The following SLC2A12 variants were observed in gnomAD, a reference collection of about 807,000 sequenced individuals.
The protein encoded by SLC2A12 is solute carrier family 2 member 12.
SLC2A12 carries 23 observed loss-of-function variants against 41.8 expected under a neutral mutation model. The ratio of observed to expected loss-of-function variants is 0.55; its 90% CI spans 0.40 to 0.78. SLC2A12 has a LOEUF of 0.78. Among genes scored for constraint, SLC2A12 ranks in the 30% least tolerant of loss-of-function variants. The pLI is 0.00. For synonymous variants in SLC2A12, 295 were observed against 285.9 expected (o/e 1.03, Z -0.32); for missense variants, 654 against 745.6 (o/e 0.88, Z 1.43).
At chr6:134,042,000 G>A (rs1777388527) in intron 1 of SLC2A12, among the ~76,000 whole-genome samples, 1 of 152,118 alleles carries the variant, frequency 6.6e-6, no homozygotes, top group Non-Finnish European at 1.5e-5. Context: ...ATTATTTAAT[G>A]TTGAAAAAAT....
In SLC2A12 at chr6:134,006,181, AAAAAAAAAAAAC is replaced by A. The variant is rs1280770388; in HGVS notation, c.1567+619_1567+630del. The stretch of plus-strand genomic sequence containing the variant: ...GCAACAGAGAGAGACTATCGGAAAA[AAAAAAAAAAAAC>A]AAAAAAAAAAACAGAGAAACAGAGA... On this transcript the variant is annotated intron_variant, in intron 3 of 4. Transcript: ENST00000275230. 5.3e-4 allele frequency among the ~76,000 whole-genome samples: 75 copies of A among 142,844 alleles called. 1 individual carries two copies. The highest frequency in any genetic ancestry group is 1.6e-3 in the African/African-American group (64 of 39,150). The allele number at this position is 142,844 out of a possible 152,430, so 93.7% of individuals were successfully genotyped here.
At chr6:134,034,656 G>A (rs2114490645) in intron 1 of SLC2A12, among the ~76,000 whole-genome samples, 1 of 152,352 alleles carries the variant, frequency 6.6e-6, no homozygotes, top group South Asian at 2.1e-4. Context: ...TGAACAGGAA[G>A]CAAGAGATCA....
Position 134,015,478 on chromosome 6 carries a change from AT to A in SLC2A12, c.1445-8545del, listed in dbSNP as rs1194683651. 3.3e-5 allele frequency among the ~76,000 whole-genome samples: 5 copies of A among 152,340 alleles called. No individual in the cohort carries two copies. The East Asian group carries it at 7.7e-4, about 23-fold the overall frequency. The stretch of plus-strand genomic sequence containing the variant: ...GTACCCCTGAACTTAAAAGTTGGAA[AT>A]AAATATATATTTAAAAAATAAATAA... On this transcript the variant is annotated intron_variant, in intron 2 of 4. Coordinates refer to ENST00000275230, the MANE Select transcript of SLC2A12 (RefSeq NM_145176.3).
At chr6:134,048,718 A>G (rs1773625704) in intron 1 of SLC2A12, among the ~76,000 whole-genome samples, 1 of 152,076 alleles carries the variant, frequency 6.6e-6, no homozygotes, top group Admixed American at 6.5e-5. Context: ...TTGATGCTTA[A>G]TTGTTTTTAA....
intron 2 of SLC2A12, among the ~76,000 whole-genome samples, chr6:134,023,290 G>A (rs1269987755): frequency 6.6e-6 from 1 of 152,170 alleles, no homozygotes; most frequent in Admixed American, 6.5e-5. Context: ...AGGTAGCATA[G>A]GATGGCAGAT....
At chr6:133,991,419 A>C in intron 4 of SLC2A12, 111 bp from the exon 5 acceptor site, 1 of 1,163,380 alleles carries the variant, frequency 8.6e-7, no homozygotes, top group Non-Finnish European at 1.2e-6. Flanking sequence ...TAGCTATGCA[A>C]AAATAAATAC....
chr6:134,045,189 T>C (rs1195114455), intron 1 of SLC2A12, among the ~76,000 whole-genome samples: 1 of 152,162 alleles, frequency 6.6e-6, no homozygotes, highest in Non-Finnish European at 1.5e-5. Context: ...TATAATCTTA[T>C]AGAAAAATAC....
chr6:134,031,029 T>G (rs1241346749), intron 1 of SLC2A12, among the ~76,000 whole-genome samples: 1 of 152,160 alleles, frequency 6.6e-6, no homozygotes, highest in Non-Finnish European at 1.5e-5. Context: ...TAGCTTAGAC[T>G]TGGGTGTTAA....
chr6:134,043,997 G>C (rs938613575), intron 1 of SLC2A12, among the ~76,000 whole-genome samples: 2 of 151,878 alleles, frequency 1.3e-5, no homozygotes, highest in African/African-American at 4.8e-5. Context: ...CCAGAATTCC[G>C]AAGTATTGGA....
At chr6:134,001,567 C>G (rs530148621) in intron 4 of SLC2A12, among the ~76,000 whole-genome samples, 26 of 152,124 alleles carry the variant, frequency 1.7e-4, no homozygotes, top group African/African-American at 6.3e-4. Flanking sequence ...AAGGAAAAAA[C>G]TTGTAACCTT....
intron 4 of SLC2A12, among the ~76,000 whole-genome samples, chr6:133,997,017 A>G (rs769326847): frequency 1.1e-4 from 16 of 148,884 alleles, no homozygotes; most frequent in East Asian, 4.0e-4. Flanking sequence ...AAAGGCGGGC[A>G]GATCACGAGG....
Position 134,028,928 on chromosome 6 carries a change from G to A in SLC2A12, c.897C>T (p.Phe299=). 6.2e-7 allele frequency: 1 copy of A among 1,614,218 alleles called. No individual in the cohort carries two copies. Among genetic ancestry groups the A allele is most frequent in the Non-Finnish European group, 8.5e-7 (1 of 1,180,044 alleles). ...VQITGQPNIL[F]YASTVLKSVG... ...CTGACTTCAAAACAGTTGATGCATAGAACAATATGTTTGGTTGGCCAGTGA... is the reference window on the plus strand; with the variant it reads ...CTGACTTCAAAACAGTTGATGCATAAAACAATATGTTTGGTTGGCCAGTGA... Residue 299 remains phenylalanine, a synonymous_variant, in exon 2 of 5, where the codon TTC becomes TTT. Transcript: ENST00000275230.
At chr6:134,018,577 A>G (rs2114455424) in intron 2 of SLC2A12, among the ~76,000 whole-genome samples, 1 of 152,234 alleles carries the variant, frequency 6.6e-6, no homozygotes, top group South Asian at 2.1e-4. Context: ...CCTTCTTCAT[A>G]CAAACGTTGG....
chr6:134,040,058 GTTT>G (rs11371413), intron 1 of SLC2A12, among the ~76,000 whole-genome samples: 1 of 139,332 alleles, frequency 7.2e-6, no homozygotes, highest in Non-Finnish European at 1.5e-5. Flanking sequence ...GTTGTTTTTT[GTTT>G]TTTTTTTTTT....
At chr6:134,018,355 A>T (rs1776993865) in intron 2 of SLC2A12, among the ~76,000 whole-genome samples, 1 of 152,188 alleles carries the variant, frequency 6.6e-6, no homozygotes. Context: ...TTCTAGATAA[A>T]ACTGAAAGCT....
Position 134,029,263 on chromosome 6 carries a change from C to A in SLC2A12, c.562G>T (p.Ala188Ser). The A allele has an allele frequency of 1.2e-6, 2 of 1,614,136 alleles. No individual in the cohort carries two copies. The highest frequency in any genetic ancestry group is 2.2e-5 in the East Asian group (1 of 44,884). ...GILSAYISNYAFANVFHGWKY... is the reference protein window; with the variant it reads ...GILSAYISNYSFANVFHGWKY... ...CAGCCATGGAAAACATTGGCAAATG[C>A]GTAATTTGAAATATAGGCAGAAAGA... Residue 188 changes from alanine to serine, a missense_variant, in exon 2 of 5, where the codon GCA becomes TCA. Around this residue, in one of 3 missense-constraint regions of SLC2A12, gnomAD observed 411 missense variants for 412.1 expected, o/e 1.00. Transcript: ENST00000275230.
At chr6:133,999,671 T>C (rs1288342507) in intron 4 of SLC2A12, among the ~76,000 whole-genome samples, 1 of 152,166 alleles carries the variant, frequency 6.6e-6, no homozygotes, top group Non-Finnish European at 1.5e-5. Flanking sequence ...ACCTATGTGA[T>C]CAAGTCCCAT....
intron 2 of SLC2A12, among the ~76,000 whole-genome samples, chr6:134,015,361 C>T (rs1776942808): frequency 6.6e-6 from 1 of 152,050 alleles, no homozygotes. Flanking sequence ...CAAATGGATG[C>T]TGGGCTTAAT....
intron 2 of SLC2A12, among the ~76,000 whole-genome samples, chr6:134,011,257 C>T (rs1776877806): frequency 6.6e-6 from 1 of 151,964 alleles, no homozygotes; most frequent in African/African-American, 2.4e-5. Context: ...GGGACTGTGC[C>T]CATCCCTTCC....
Sources: gnomAD v4.1 joint callset for allele counts (sites outside exome capture counted in the v4.1 genomes callset) on GRCh38, gnomAD v4.1.1 for gene constraint, gnomAD v4.1.1 regional missense constraint, MANE v1.5 for transcripts, NCBI Gene and HGNC (gene_info 2026-07-23, HGNC 2026-07-21) for gene names.